Variants in THADA observed in about 807,000 individuals in gnomAD.
The protein encoded by THADA is tRNA (32-2'-O)-methyltransferase regulator THADA.
A neutral mutation model predicts 219.8 loss-of-function variants in THADA; 213 were observed. The ratio of observed to expected loss-of-function variants is 0.97; its 90% CI spans 0.87 to 1.09. The LOEUF (loss-of-function observed/expected upper bound fraction) is 1.09. Ranked by LOEUF, THADA falls within the 50% of genes least tolerant of loss-of-function variation. The pLI is 0.00. For missense variants in THADA, 2,956 were observed against 2,311.3 expected, an observed-to-expected ratio of 1.28 and a Z score of -5.72; for synonymous variants, 1,018 against 828.9, an observed-to-expected ratio of 1.23 and a Z score of -3.92.
intron 22 of THADA, among the ~76,000 whole-genome samples, chr2:43,511,929 A>G (rs1690521013): frequency 6.6e-6 from 1 of 152,210 alleles, no homozygotes; most frequent in African/African-American, 2.4e-5. Flanking sequence ...AAAAGATGAG[A>G]TGACTGGGGA....
intron 28 of THADA, among the ~76,000 whole-genome samples, chr2:43,421,701 G>T (rs138272914): frequency 1.3e-5 from 2 of 152,200 alleles, no homozygotes; most frequent in African/African-American, 4.8e-5. Flanking sequence ...ACAAAAAAAG[G>T]TAATTAAATT....
At chr2:43,335,670 A>C (rs1262533831) in intron 30 of THADA, among the ~76,000 whole-genome samples, 1 of 152,118 alleles carries the variant, frequency 6.6e-6, no homozygotes, top group Non-Finnish European at 1.5e-5. Flanking sequence ...TCAACTTAAA[A>C]AAACTGGGCT....
At chr2:43,333,365 C>G (rs1263737186) in intron 30 of THADA, 2 of 152,126 alleles carry the variant, frequency 1.3e-5, no homozygotes, top group East Asian at 1.9e-4. Context: ...TGACTTTGAA[C>G]AAGCTGTGCT....
chr2:43,310,231 C>T (rs887332668), intron 31 of THADA, among the ~76,000 whole-genome samples: 3 of 124,792 alleles, frequency 2.4e-5, no homozygotes, highest in Admixed American at 8.7e-5. Flanking sequence ...TTCCCGCCCC[C>T]CCCCCAAACA....
chr2:43,554,919 G>C (rs1291428771), intron 17 of THADA, among the ~76,000 whole-genome samples: 1 of 152,072 alleles, frequency 6.6e-6, no homozygotes, highest in East Asian at 1.9e-4. Flanking sequence ...ATCATACTTT[G>C]AACACCCCAA....
rs984190454 is a variant in THADA at position 43,232,583 on chromosome 2, G to C, written c.5466+130C>G. 5 of 1,007,052 alleles carry C rather than the reference G, an allele frequency of 5.0e-6. No individual in the cohort carries two copies. The African/African-American group carries it at 8.1e-5, about 16-fold the overall frequency. The allele number at this position is 1,007,052 out of a possible 1,614,324, so 62.4% of individuals were successfully genotyped here. On this transcript the variant is annotated intron_variant, in intron 37 of 37. Transcript: ENST00000405975. ...CCCGTGTCCTCGGCAGCACCCAGTG[G>C]GTGACTTTCCTAGTGGTTCCTGCTC...
chr2:43,286,994 T>C lies in THADA; in HGVS notation c.5078A>G (p.His1693Arg). 6.2e-7 allele frequency: 1 copy of C among 1,613,952 alleles called. No individual in the cohort carries two copies. Among genetic ancestry groups the C allele is most frequent in the Non-Finnish European group, 8.5e-7 (1 of 1,179,880 alleles). The stretch of plus-strand genomic sequence containing the variant: ...GGCCAGCCTAGACTCTGTAGGAAGA[T>C]GGTCTTCACATGACAAGATGACCAG... ...VQLVILSCED[H>R]LPTESRLAVV... The change falls in exon 35 of 38, where the codon CAT becomes CGT. Residue 1693 changes from histidine (H) to arginine (R), a missense_variant. Transcript: ENST00000405975.
intron 21 of THADA, among the ~76,000 whole-genome samples, chr2:43,531,978 T>G (rs927670189): frequency 2.6e-5 from 4 of 152,054 alleles, no homozygotes; most frequent in Non-Finnish European, 4.4e-5. Context: ...GTAGGGTTTT[T>G]TTTTTGGTGT....
intron 20 of THADA, among the ~76,000 whole-genome samples, chr2:43,546,985 G>C (rs1343927998): frequency 2.0e-5 from 3 of 152,124 alleles, no homozygotes; most frequent in Non-Finnish European, 4.4e-5. Flanking sequence ...TTTACAATTT[G>C]GCATGATTTT....
At chr2:43,438,741 A>T (rs1680466854) in intron 26 of THADA, among the ~76,000 whole-genome samples, 1 of 152,182 alleles carries the variant, frequency 6.6e-6, no homozygotes, top group Non-Finnish European at 1.5e-5. Context: ...CCATACCCCT[A>T]GTGGATGCCT....
chr2:43,570,308 C>A, intron 14 of THADA, 80 bp downstream of exon 14: 1 of 1,337,998 alleles, frequency 7.5e-7, no homozygotes, highest in Non-Finnish European at 1.0e-6. Flanking sequence ...AAGAGACTTC[C>A]ATTTATTTCC....
chr2:43,257,399 T>C (rs1670447928), intron 36 of THADA, among the ~76,000 whole-genome samples: 2 of 152,162 alleles, frequency 1.3e-5, no homozygotes, highest in African/African-American at 4.8e-5. Context: ...AGGCAATCAA[T>C]CATAAAGAGG....
At chr2:43,538,377 T>G (rs1026977026) in intron 21 of THADA, 2 of 152,200 alleles carry the variant, frequency 1.3e-5, no homozygotes, top group African/African-American at 2.4e-5. Flanking sequence ...AGGAACACTA[T>G]GAAAGAACCT....
intron 28 of THADA, among the ~76,000 whole-genome samples, chr2:43,405,978 G>C (rs1288364945): frequency 2.0e-5 from 3 of 152,206 alleles, no homozygotes; most frequent in Non-Finnish European, 4.4e-5. Context: ...CCTCAGAAAA[G>C]CATGCTTTTG....
At chr2:43,560,039 CTTAT>C (rs1041345363) in intron 16 of THADA, among the ~76,000 whole-genome samples, 191 bp downstream of exon 16, 1 of 152,188 alleles carries the variant, frequency 6.6e-6, no homozygotes, top group African/African-American at 2.4e-5. Context: ...TGATTTGTGC[CTTAT>C]TTACTTTTTG....
intron 28 of THADA, among the ~76,000 whole-genome samples, chr2:43,400,128 T>A (rs1013350302): frequency 1.3e-5 from 2 of 152,180 alleles, no homozygotes; most frequent in Admixed American, 1.3e-4. Context: ...TAGCAGTGAC[T>A]GTACACTAAA....
chr2:43,401,203 A>C (rs1008652293), intron 28 of THADA, among the ~76,000 whole-genome samples: 11 of 152,088 alleles, frequency 7.2e-5, no homozygotes, highest in Middle Eastern at 6.8e-3. Flanking sequence ...ACTTCAATAA[A>C]CCCTTTCCAT....
chr2:43,476,092 T>C (rs1685502647), intron 26 of THADA, among the ~76,000 whole-genome samples: 1 of 152,158 alleles, frequency 6.6e-6, no homozygotes, highest in South Asian at 2.1e-4. Flanking sequence ...ACCCAACTGA[T>C]GAATCCTATT....
chr2:43,461,304 A>G (rs775199697), intron 26 of THADA, among the ~76,000 whole-genome samples: 2 of 152,242 alleles, frequency 1.3e-5, no homozygotes, highest in African/African-American at 2.4e-5. Context: ...TTTCATAGAT[A>G]TCTAAATTAA....
Sources: allele counts gnomAD v4.1 joint callset (sites outside exome capture counted in the v4.1 genomes callset), GRCh38; gene constraint gnomAD v4.1.1; transcripts MANE v1.5; gene names NCBI Gene and HGNC (gene_info 2026-07-23, HGNC 2026-07-21).